Variants in SRP72 observed in about 807,000 individuals in gnomAD.
SRP72 encodes the protein signal recognition particle 72, also known as signal recognition particle subunit SRP72.
In SRP72, 49 loss-of-function variants were observed where a neutral mutation model predicts 96.3. The ratio of observed to expected loss-of-function variants is 0.51; its 90% CI spans 0.40 to 0.65. SRP72 has a LOEUF of 0.65. SRP72 is among the 30% of genes least tolerant of loss of function. SRP72 has a pLI of 0.00. For synonymous variants in SRP72, 267 were observed against 275.2 expected (o/e 0.97, Z 0.30); for missense variants, 736 against 793.3 (o/e 0.93, Z 0.87).
chr4:56,467,729 A>G lies in SRP72; in HGVS notation c.94A>G (p.Lys32Glu). 1.3e-6 allele frequency: 2 copies of G among 1,549,142 alleles called. No homozygotes were observed. Among genetic ancestry groups the G allele is most frequent in the Non-Finnish European group, 1.7e-6 (2 of 1,151,434 alleles). The change falls in exon 1 of 19, where the codon AAG becomes GAG. Residue 32 changes from lysine to glutamate, a missense_variant. Physicochemically the swap from Lys to Glu is moderately conservative, Grantham distance 56 (BLOSUM62 1). Coordinates refer to ENST00000642900, the MANE Select transcript of SRP72 (RefSeq NM_006947.4). The part of the protein sequence containing the change: ...GQNGDFTRAL[K>E]TVNKILQINK... ...GAACGGCGACTTCACGCGCGCTCTC[A>G]AGACCGTCAATAAGAGTAAGTGTCG...
At chr4:56,480,302 C>T (rs1720432365) in intron 8 of SRP72, among the ~76,000 whole-genome samples, 2 of 152,150 alleles carry the variant, frequency 1.3e-5, no homozygotes, top group South Asian at 4.1e-4. Context: ...CTCTGTTGCC[C>T]AGGCTGGAGT....
chr4:56,487,768 T>G (rs964227378), intron 11 of SRP72, among the ~76,000 whole-genome samples, 181 bp from the exon 12 acceptor site: 3 of 152,192 alleles, frequency 2.0e-5, no homozygotes, highest in African/African-American at 7.2e-5. Flanking sequence ...TTTCCTTATC[T>G]CTAAATGAAC....
chr4:56,482,285 CA>C (rs536857516), intron 8 of SRP72, among the ~76,000 whole-genome samples: 4,035 of 133,750 alleles, frequency 0.03, 136 homozygotes, highest in East Asian at 0.2. Flanking sequence ...ACTAAAAATA[CA>C]AAAAAAAAAA....
At chr4:56,499,107 A>T (rs1721174395) in intron 17 of SRP72, among the ~76,000 whole-genome samples, 1 of 152,200 alleles carries the variant, frequency 6.6e-6, no homozygotes, top group Non-Finnish European at 1.5e-5. Flanking sequence ...CTCAGAAATA[A>T]CACCACACAT....
At chr4:56,473,593 C>T (rs137950253) in intron 3 of SRP72, among the ~76,000 whole-genome samples, 2,862 of 151,744 alleles carry the variant, frequency 0.019, 88 homozygotes, top group African/African-American at 0.065. Context: ...TGGAGAAACC[C>T]CATCTCTACT....
chr4:56,488,659 CT>C (rs1364849078), intron 12 of SRP72, among the ~76,000 whole-genome samples: 1 of 152,140 alleles, frequency 6.6e-6, no homozygotes, highest in Non-Finnish European at 1.5e-5. Flanking sequence ...ATATGACCAC[CT>C]TTTACCTTTC....
rs1298834710 is a variant in SRP72 at position 56,489,410 on chromosome 4, A to G, written c.1247A>G (p.Tyr416Cys). Residue 416 changes from tyrosine (Y) to cysteine (C), a missense_variant, in exon 13 of 19, where the codon TAT (tyrosine) becomes TGT (cysteine). Tyr to Cys is a radical substitution (Grantham distance 194). Around this residue, in one of 3 missense-constraint regions of SRP72, gnomAD observed 388 missense variants for 431.8 expected, o/e 0.90. Transcript: ENST00000642900. ...PGMVSALVTM[Y>C]SHEEDIDSAI... ...TAGGTATCTGCATTAGTTACCATGT[A>G]TAGCCATGAAGAAGATATTGATAGT... 1 of 1,599,348 alleles carries G rather than the reference A, an allele frequency of 6.3e-7. No homozygotes were observed. The highest frequency in any genetic ancestry group is 8.5e-7 in the Non-Finnish European group (1 of 1,169,846).
intron 17 of SRP72, among the ~76,000 whole-genome samples, chr4:56,497,400 T>C (rs1721115029): frequency 6.6e-6 from 1 of 151,838 alleles, no homozygotes; most frequent in African/African-American, 2.4e-5. Flanking sequence ...TTTGTATTTT[T>C]AGTAGAGACG....
At chr4:56,470,106 A>C (rs999845497) in intron 2 of SRP72, among the ~76,000 whole-genome samples, 1 of 151,690 alleles carries the variant, frequency 6.6e-6, no homozygotes, top group African/African-American at 2.4e-5. Context: ...CTTTACTGTT[A>C]TACCTAGGCT....
At position 56,474,297 on chromosome 4, in the gene SRP72, A is replaced by G; in HGVS notation, c.516A>G (p.Gln172=). The G allele has an allele frequency of 6.2e-7, 1 of 1,614,100 alleles. No homozygotes were observed. Residue 172 remains glutamine (Q), a synonymous_variant, in exon 5 of 19, where the codon CAA becomes CAG. Transcript: ENST00000642900. ...EKVVPENLGL[Q]EGTHELCYNT... Reference sequence around the variant, plus strand: ...CCTGACAGGAGAACCTGGGCCTCCAAGAAGGCACACATGAGCTGTGCTACA... The same window carrying G: ...CCTGACAGGAGAACCTGGGCCTCCAGGAAGGCACACATGAGCTGTGCTACA...
intron 17 of SRP72, 157 bp from the exon 18 acceptor site, chr4:56,500,379 A>G: frequency 2.6e-6 from 2 of 763,622 alleles, no homozygotes; most frequent in Non-Finnish European, 2.0e-6. Context: ...TTAAAAAAAA[A>G]GACCATTTCG....
At chr4:56,490,237 C>A in intron 13 of SRP72, 96 bp from the exon 14 acceptor site, 1 of 873,322 alleles carries the variant, frequency 1.1e-6, no homozygotes, top group Middle Eastern at 3.5e-4. Flanking sequence ...GGATCTAATG[C>A]ATAGGTGTAT....
At chr4:56,483,683 A>G (rs1215460340) in intron 9 of SRP72, among the ~76,000 whole-genome samples, 3 of 152,140 alleles carry the variant, frequency 2.0e-5, no homozygotes, top group African/African-American at 7.2e-5. Flanking sequence ...GAAAAAAAAA[A>G]AAGAAAGAAT....
chr4:56,493,742 T>G (rs1335987701), intron 16 of SRP72, among the ~76,000 whole-genome samples: 2 of 152,112 alleles, frequency 1.3e-5, no homozygotes, highest in Non-Finnish European at 2.9e-5. Context: ...GACACATGTC[T>G]ATAATCCCAG....
chr4:56,495,601 CT>C (rs1300616299), intron 17 of SRP72, among the ~76,000 whole-genome samples: 1 of 152,188 alleles, frequency 6.6e-6, no homozygotes, highest in East Asian at 1.9e-4. Flanking sequence ...GTTGCTCCCT[CT>C]TTTACTCTGT....
chr4:56,500,498 TATG>T (rs776577951), intron 17 of SRP72, 35 bp from the exon 18 acceptor site: 2 of 1,594,670 alleles, frequency 1.3e-6, no homozygotes, highest in Admixed American at 1.7e-5. Flanking sequence ...TTGAAAATAT[TATG>T]ACACATCTCT....
chr4:56,474,347 A>G lies in SRP72; in HGVS notation c.566A>G (p.Gln189Arg), dbSNP rs1231349397. ...CYNTACALIG[Q>R]GQLNQAMKIL... ...AACACTGCATGTGCACTGATAGGCC[A>G]AGGCCAGCTGAACCAGGCCATGAAA... The change falls in exon 5 of 19, where the codon CAA (glutamine) becomes CGA (arginine). Residue 189 changes from glutamine to arginine, a missense_variant. Coordinates refer to ENST00000642900, the MANE Select transcript of SRP72 (RefSeq NM_006947.4). 6.2e-7 allele frequency: 1 copy of G among 1,614,178 alleles called. No individual in the cohort carries two copies. The highest frequency in any genetic ancestry group is 1.7e-5 in the Admixed American group (1 of 60,018).
At chr4:56,492,640 G>A (rs961291204) in intron 16 of SRP72, among the ~76,000 whole-genome samples, 1 of 152,062 alleles carries the variant, frequency 6.6e-6, no homozygotes, top group South Asian at 2.1e-4. Context: ...TTCATAAAAA[G>A]CATTGTTGTT....
Position 56,486,524 on chromosome 4 carries a change from A to G in SRP72, c.1159+127A>G, listed in dbSNP as rs551102717. The G allele has an allele frequency of 2.5e-4, 166 of 676,008 alleles. 5 individuals are homozygous for G. In the South Asian group the frequency reaches 5.4e-3, roughly 22 times the overall value. The allele number at this position is 676,008 out of a possible 1,614,324, so 41.9% of individuals were successfully genotyped here. A position where few individuals can be genotyped will look rare whatever the true frequency, so the allele number is the denominator to read the frequency against. On this transcript the variant is annotated intron_variant, in intron 11 of 18. Transcript: ENST00000642900. ...TAAAGCATAATAATTACTGTTTCAA[A>G]CATGCAGCTAGATTGTATGATCTCC...
Sources: gnomAD v4.1 joint callset for allele counts (sites outside exome capture counted in the v4.1 genomes callset) on GRCh38, gnomAD v4.1.1 for gene constraint, gnomAD v4.1.1 regional missense constraint, MANE v1.5 for transcripts, NCBI Gene and HGNC (gene_info 2026-07-23, HGNC 2026-07-21) for gene names.